The following NTN1 variants were observed in gnomAD, a reference collection of about 807,000 sequenced individuals.
The protein encoded by NTN1 is netrin 1.
A neutral mutation model predicts 54.2 loss-of-function variants in NTN1; 11 were observed. That is an observed-to-expected ratio of 0.20 (90% CI 0.13 to 0.34). The LOEUF (loss-of-function observed/expected upper bound fraction) is 0.34, where lower values mean the gene tolerates loss of function less well. NTN1 is among the 10% of genes least tolerant of loss of function. The probability of loss-of-function intolerance (pLI) is 1.00; values close to 1 mark genes in which losing one functional copy is unlikely to be tolerated. For synonymous variants in NTN1, 371 were observed against 382.0 expected (o/e 0.97, Z 0.33); for missense variants, 740 against 893.1 (o/e 0.83, Z 2.18).
chr17:9,043,320 A>G (rs1012883582), intron 2 of NTN1, among the ~76,000 whole-genome samples: 1 of 152,164 alleles, frequency 6.6e-6, no homozygotes, highest in Non-Finnish European at 1.5e-5. Flanking sequence ...CCTAGACCCT[A>G]TGCTAAATAT....
intron 2 of NTN1, among the ~76,000 whole-genome samples, chr17:9,043,768 C>T (rs1240673119): frequency 3.3e-5 from 5 of 151,948 alleles, no homozygotes; most frequent in African/African-American, 7.3e-5. Context: ...TTAGTAGAGA[C>T]GGGGTTTCAC....
chr17:9,023,446 G>C (rs1345324267), intron 2 of NTN1, 55 bp downstream of exon 2: 4 of 1,338,114 alleles, frequency 3.0e-6, no homozygotes, highest in Non-Finnish European at 3.8e-6. Flanking sequence ...GGCGGGAGCT[G>C]CTGGGCCTCG....
rs376258174 is a variant in NTN1 at position 9,031,992 on chromosome 17, G to A, written c.1018+8601G>A. 7.4e-4 allele frequency among the ~76,000 whole-genome samples: 110 copies of A among 148,446 alleles called. 1 individual carries two copies. The highest frequency in any genetic ancestry group is 6.9e-3 in the Middle Eastern group (2 of 290). On this transcript the variant is annotated intron_variant, in intron 2 of 6. Transcript: ENST00000173229. ...AAAAAAAGAAGATAAAAAAAAAAAAGAAAAGAAATGTAAAGTGGATGCCCT... is the reference window on the plus strand; with the variant it reads ...AAAAAAAGAAGATAAAAAAAAAAAAAAAAAGAAATGTAAAGTGGATGCCCT...
chr17:9,217,026 A>C (rs1262113250), intron 5 of NTN1, among the ~76,000 whole-genome samples: 1 of 151,400 alleles, frequency 6.6e-6, no homozygotes, highest in Non-Finnish European at 1.5e-5. Context: ...TGGATGACAG[A>C]CAGGGCATGA....
chr17:9,027,712 G>T (rs2091875843), intron 2 of NTN1, among the ~76,000 whole-genome samples: 1 of 152,028 alleles, frequency 6.6e-6, no homozygotes, highest in East Asian at 1.9e-4. Flanking sequence ...TTGTATATAA[G>T]AAGTTTTCTT....
rs960633228 is a variant in NTN1 at position 9,221,748 on chromosome 17, C to T, written c.1486+506C>T. Among the ~76,000 whole-genome samples the T allele has an allele frequency of 3.3e-5, 5 of 152,174 alleles. No individual in the cohort carries two copies. Among genetic ancestry groups the T allele is most frequent in the Admixed American group, 6.5e-5 (1 of 15,278 alleles). ...ACTCATTCCCATGCACCGGAAGTTC[C>T]GCTGCCCAGACCCATGGAGCAGACA... On this transcript the variant is annotated intron_variant, in intron 6 of 6. Coordinates refer to ENST00000173229, the MANE Select transcript of NTN1 (RefSeq NM_004822.3). This position sits in a 1 kb window ranked among gnomAD's most constrained non-coding sequence, Gnocchi z 4.5.
chr17:9,225,915 A>ACC (rs1390559260), intron 6 of NTN1, among the ~76,000 whole-genome samples: 1 of 152,042 alleles, frequency 6.6e-6, no homozygotes, highest in Admixed American at 6.5e-5. Context: ...GCAGCCCCGG[A>ACC]CCCCCTTCCT....
chr17:9,159,528 G>A (rs756377722), intron 2 of NTN1, among the ~76,000 whole-genome samples: 2 of 152,176 alleles, frequency 1.3e-5, no homozygotes, highest in South Asian at 2.1e-4. Context: ...AGGGCTGGGC[G>A]CAGTGGCTCA....
intron 2 of NTN1, among the ~76,000 whole-genome samples, chr17:9,160,786 CTACAAAAAAAAA>C (rs752083113): frequency 1.3e-5 from 2 of 151,118 alleles, no homozygotes; most frequent in Non-Finnish European, 3.0e-5. Flanking sequence ...AACCCTGTTT[CTACAAAAAAAAA>C]TACAAAAAAT....
chr17:9,097,249 G>A (rs2092134850), intron 2 of NTN1, among the ~76,000 whole-genome samples: 1 of 152,166 alleles, frequency 6.6e-6, no homozygotes. Context: ...CTCCTATGCC[G>A]ACGCTTGTTC....
intron 5 of NTN1, among the ~76,000 whole-genome samples, chr17:9,189,976 G>C (rs1425434936): frequency 6.6e-5 from 10 of 152,144 alleles, no homozygotes; most frequent in Non-Finnish European, 8.8e-5. Context: ...TCCCAGAATG[G>C]GTGAGCATAA....
chr17:9,090,895 C>T (rs374118396), intron 2 of NTN1, among the ~76,000 whole-genome samples: 3 of 152,120 alleles, frequency 2.0e-5, no homozygotes, highest in African/African-American at 7.2e-5. Flanking sequence ...CGGGCGGCCC[C>T]GCTCCTCCTT....
intron 2 of NTN1, among the ~76,000 whole-genome samples, chr17:9,080,459 C>G (rs1567705516): frequency 6.6e-6 from 1 of 152,214 alleles, no homozygotes; most frequent in East Asian, 1.9e-4. Context: ...AGTGTTATCT[C>G]TAACTTAGAA....
In NTN1 at chr17:9,239,978, A is replaced by G. The variant is rs1460844918; in HGVS notation, c.*10A>G. ...GTGCAAGAAGGCCTAGCGCCGAGGCAGCGGGCGGGCGGGCGGGCGGGCGCC... is the reference window on the plus strand; with the variant it reads ...GTGCAAGAAGGCCTAGCGCCGAGGCGGCGGGCGGGCGGGCGGGCGGGCGCC... On this transcript the variant is annotated 3_prime_UTR_variant, in exon 7 of 7. Transcript: ENST00000173229. This position sits in a 1 kb window ranked among gnomAD's most constrained non-coding sequence, Gnocchi z 5.2. 3.0e-4 allele frequency: 18 copies of G among 59,834 alleles called. No homozygotes were observed. Among genetic ancestry groups the G allele is most frequent in the Middle Eastern group, 0.013 (2 of 154 alleles). 3.7% of individuals were successfully genotyped at this position (59,834 alleles called of 1,614,324 possible).
At chr17:9,142,303 A>G (rs1228652447) in intron 2 of NTN1, among the ~76,000 whole-genome samples, 5 of 150,822 alleles carry the variant, frequency 3.3e-5, no homozygotes, top group South Asian at 2.1e-4. Context: ...AGAAAAAAAA[A>G]AAAAGAAAAA....
At chr17:9,177,113 C>G (rs1179651161) in intron 3 of NTN1, 1 of 152,418 alleles carries the variant, frequency 6.6e-6, no homozygotes, top group Non-Finnish European at 1.5e-5. Context: ...CTCCATAAAC[C>G]AGAGGAATAG....
intron 2 of NTN1, among the ~76,000 whole-genome samples, chr17:9,038,265 C>CTCTCACACACACACACACACACACACACA (rs55982115): frequency 2.8e-5 from 4 of 144,076 alleles, no homozygotes; most frequent in African/African-American, 8.0e-5. Context: ...TTCTCTCTCT[C>CTCTCACACACACACACACACACACACACA]CACACACACA....
chr17:9,137,325 G>A (rs1224730948), intron 2 of NTN1, among the ~76,000 whole-genome samples: 1 of 152,190 alleles, frequency 6.6e-6, no homozygotes, highest in East Asian at 1.9e-4. Context: ...TGCGAAGCTG[G>A]TGGGCAGTGA....
chr17:9,124,559 G>T (rs964569167), intron 2 of NTN1, among the ~76,000 whole-genome samples: 1 of 152,216 alleles, frequency 6.6e-6, no homozygotes, highest in Non-Finnish European at 1.5e-5. Flanking sequence ...CGACAGTGAT[G>T]ACGATGATGA....
Sources: allele counts gnomAD v4.1 joint callset (sites outside exome capture counted in the v4.1 genomes callset), GRCh38; gene constraint gnomAD v4.1.1; non-coding constraint Gnocchi (gnomAD v3.1); transcripts MANE v1.5; gene names NCBI Gene and HGNC (gene_info 2026-07-23, HGNC 2026-07-21).